Variants in CYTH3 observed in about 807,000 individuals in gnomAD.
CYTH3 encodes cytohesin 3, also known as cytohesin-3.
Under a neutral mutation model 55.1 loss-of-function variants are expected in CYTH3, and 23 were observed. The observed-to-expected ratio is 0.42, with a 90% CI of 0.30 to 0.59. The LOEUF (loss-of-function observed/expected upper bound fraction) is 0.59, where lower values mean the gene tolerates loss of function less well. Ranked by LOEUF, CYTH3 falls within the 20% of genes least tolerant of loss-of-function variation. The pLI, the probability that CYTH3 is intolerant of heterozygous loss-of-function variation, is 0.20. For synonymous variants in CYTH3, 249 were observed against 194.9 expected, an observed-to-expected ratio of 1.28 and a Z score of -2.31; for missense variants, 413 against 524.8, an observed-to-expected ratio of 0.79 and a Z score of 2.08.
intron 1 of CYTH3, among the ~76,000 whole-genome samples, chr7:6,229,893 T>C (rs900545026): frequency 6.6e-6 from 1 of 151,288 alleles, no homozygotes; most frequent in East Asian, 1.9e-4. Flanking sequence ...CCCAACACTT[T>C]GGAAAGGTAA....
chr7:6,188,007 T>TGGG (rs66602423), intron 2 of CYTH3, among the ~76,000 whole-genome samples: 1 of 151,392 alleles, frequency 6.6e-6, no homozygotes, highest in African/African-American at 2.4e-5. Flanking sequence ...GCAAGCACAC[T>TGGG]GGGGGGGGAA....
At position 6,163,553 on chromosome 7, in the gene CYTH3, TG is replaced by T. The variant is rs1284239817; in HGVS notation, c.*1390del. 6.6e-6 allele frequency: 1 copy of T among 152,290 alleles called. No individual in the cohort carries two copies. The highest frequency in any genetic ancestry group is 1.5e-5 in the Non-Finnish European group (1 of 68,112). The allele number at this position is 152,290 out of a possible 1,614,324, so 9.4% of individuals were successfully genotyped here. ...TCCAGCCCTGAGCCCTCTCTGTAGG[TG>T]GGGCCCAGATCCAGCCTTCCTTGAG... On this transcript the variant is annotated 3_prime_UTR_variant, in exon 13 of 13. Transcript: ENST00000350796.
chr7:6,184,554 T>G (rs1783589457), intron 4 of CYTH3, among the ~76,000 whole-genome samples: 1 of 152,164 alleles, frequency 6.6e-6, no homozygotes, highest in African/African-American at 2.4e-5. Flanking sequence ...AGCTGAAACC[T>G]GATGCACAGT....
chr7:6,232,694 T>C (rs1779416917), intron 1 of CYTH3, among the ~76,000 whole-genome samples: 1 of 152,214 alleles, frequency 6.6e-6, no homozygotes, highest in Non-Finnish European at 1.5e-5. Context: ...AGCCAGACTG[T>C]GTGGTCTCGG....
chr7:6,257,754 T>C (rs939348385), intron 1 of CYTH3, among the ~76,000 whole-genome samples: 1 of 152,180 alleles, frequency 6.6e-6, no homozygotes, highest in Non-Finnish European at 1.5e-5. Flanking sequence ...ACAGCCAGTA[T>C]CACACCAGAT....
rs897428696 is a variant in CYTH3, at chr7:6,167,350, C to G, written c.824-1540G>C. 6.6e-6 allele frequency among the ~76,000 whole-genome samples: 1 copy of G among 152,196 alleles called. No homozygotes were observed. On this transcript the variant is annotated intron_variant, in intron 9 of 12. Coordinates refer to ENST00000350796, the MANE Select transcript of CYTH3 (RefSeq NM_004227.4). This position sits in a 1 kb window ranked among gnomAD's most constrained non-coding sequence, Gnocchi z 5.5. ...AGAGGTGTTCTATGTCCCCGAGACC[C>G]TAGGGACAGGAGGACAGTGCTGATT...
At chr7:6,194,930 G>A (rs563405060) in intron 1 of CYTH3, among the ~76,000 whole-genome samples, 127 of 152,120 alleles carry the variant, frequency 8.3e-4, no homozygotes, top group Admixed American at 1.6e-3. Context: ...AGCCGAGATC[G>A]CGTCATTGCA....
chr7:6,253,179 A>G (rs1489452507), intron 1 of CYTH3, among the ~76,000 whole-genome samples: 1 of 152,050 alleles, frequency 6.6e-6, no homozygotes, highest in Non-Finnish European at 1.5e-5. Context: ...ATATTAGACA[A>G]TAAGCCTGGA....
Position 6,259,798 on chromosome 7 carries a change from T to TATATATA in CYTH3, c.34+12669_34+12675dup, listed in dbSNP as rs1554255128. ...TATATATATATAATATATATATATA[T>TATATATA]ATATATATATATATAATATATATAT... On this transcript the variant is annotated intron_variant, in intron 1 of 12. Transcript: ENST00000350796. 2.4e-4 allele frequency among the ~76,000 whole-genome samples: 6 copies of TATATATA among 24,882 alleles called. 1 individual carries two copies. The highest frequency in any genetic ancestry group is 1.0e-3 in the African/African-American group (2 of 1,924). The allele number at this position is 24,882 out of a possible 152,430, so 16.3% of individuals were successfully genotyped here.
chr7:6,263,941 T>C (rs1178216040), intron 1 of CYTH3, among the ~76,000 whole-genome samples: 1 of 150,570 alleles, frequency 6.6e-6, no homozygotes, highest in Non-Finnish European at 1.5e-5. Context: ...ATCTCGGCTT[T>C]ATAATCTTTT....
intron 1 of CYTH3, among the ~76,000 whole-genome samples, chr7:6,243,642 C>T (rs1233476184): frequency 1.3e-5 from 2 of 152,246 alleles, no homozygotes; most frequent in Middle Eastern, 3.4e-3. Flanking sequence ...GCTTCTTCTG[C>T]GTATAATTAA....
intron 1 of CYTH3, among the ~76,000 whole-genome samples, chr7:6,247,648 AT>A (rs1197109650): frequency 1.3e-5 from 2 of 151,890 alleles, no homozygotes; most frequent in Non-Finnish European, 2.9e-5. Context: ...TCACTTTATA[AT>A]TTTTATTTAT....
At chr7:6,185,426 T>A (rs965978807) in intron 4 of CYTH3, among the ~76,000 whole-genome samples, 1 of 150,716 alleles carries the variant, frequency 6.6e-6, no homozygotes, top group Non-Finnish European at 1.5e-5. Flanking sequence ...CCGGGTGCAC[T>A]GGGCTCACGC....
Position 6,190,138 on chromosome 7 carries a change from C to A in CYTH3, c.117+311G>T, listed in dbSNP as rs183836987. Among the ~76,000 whole-genome samples the A allele has an allele frequency of 2.6e-5, 4 of 152,308 alleles. No homozygotes were observed. In the East Asian group the frequency reaches 7.7e-4, roughly 29 times the overall value. On this transcript the variant is annotated intron_variant, in intron 2 of 12. Transcript: ENST00000350796. The stretch of plus-strand genomic sequence containing the variant: ...GCAATGCGCTCGTGGCTTGCTGCTG[C>A]TTTAGATGATACGCTGCCTGTGGCC...
In CYTH3 at chr7:6,188,170, G is replaced by T. The variant is rs922283621; in HGVS notation, c.118-449C>A. On this transcript the variant is annotated intron_variant, in intron 2 of 12. Transcript: ENST00000350796. Reference sequence around the variant, plus strand: ...AGCAAGGCCTCATTGCTACAAAAAAGAAAAACAGAAAAATTAGCTGAGTGT... The same window carrying T: ...AGCAAGGCCTCATTGCTACAAAAAATAAAAACAGAAAAATTAGCTGAGTGT... 2.6e-5 allele frequency among the ~76,000 whole-genome samples: 4 copies of T among 151,866 alleles called. No individual in the cohort carries two copies. In the East Asian group the frequency reaches 7.7e-4, roughly 29 times the overall value.
chr7:6,179,748 C>CCCACCCCCCCA (rs1783445059), intron 4 of CYTH3, among the ~76,000 whole-genome samples: 4 of 91,292 alleles, frequency 4.4e-5, no homozygotes, highest in African/African-American at 1.2e-4. Flanking sequence ...CCACACACAC[C>CCCACCCCCCCA]CCACACCCCC....
At chr7:6,271,529 G>A (rs1780657259) in intron 1 of CYTH3, among the ~76,000 whole-genome samples, 3 of 151,232 alleles carry the variant, frequency 2.0e-5, no homozygotes, top group Admixed American at 1.3e-4. Context: ...GGCTGTTCCT[G>A]TAAAAACACG....
At chr7:6,175,739 G>A (rs183581208) in intron 5 of CYTH3, among the ~76,000 whole-genome samples, 159 of 152,026 alleles carry the variant, frequency 1.0e-3, no homozygotes, top group African/African-American at 3.7e-3. Flanking sequence ...TAGACATGGG[G>A]TTTCACCATG....
At chr7:6,232,901 C>A (rs923127335) in intron 1 of CYTH3, among the ~76,000 whole-genome samples, 18 of 152,064 alleles carry the variant, frequency 1.2e-4, no homozygotes, top group African/African-American at 3.6e-4. Flanking sequence ...CGGGTGCCAG[C>A]CTCTTAGCCA....
Sources: allele counts gnomAD v4.1 joint callset (sites outside exome capture counted in the v4.1 genomes callset), GRCh38; gene constraint gnomAD v4.1.1; non-coding constraint Gnocchi (gnomAD v3.1); transcripts MANE v1.5; gene names NCBI Gene and HGNC (gene_info 2026-07-23, HGNC 2026-07-21).